ARHGAP39: variants seen among roughly 807,000 people sequenced by gnomAD.
The protein encoded by ARHGAP39 is Rho GTPase activating protein 39, also known as rho GTPase-activating protein 39.
Under a neutral mutation model 106.9 loss-of-function variants are expected in ARHGAP39, and 44 were observed. The observed-to-expected ratio is 0.41, with a 90% CI of 0.32 to 0.53. The LOEUF is 0.53. Ranked by LOEUF, ARHGAP39 falls within the 20% of genes least tolerant of loss-of-function variation. ARHGAP39 has a pLI of 0.21. For synonymous variants in ARHGAP39, 768 were observed against 693.2 expected, an observed-to-expected ratio of 1.11 and a Z score of -1.69; for missense variants, 1,496 against 1,577.3, an observed-to-expected ratio of 0.95 and a Z score of 0.87.
At chr8:144,627,325 G>C (rs904612405) in intron 1 of ARHGAP39, among the ~76,000 whole-genome samples, 1 of 152,176 alleles carries the variant, frequency 6.6e-6, no homozygotes, top group South Asian at 2.1e-4. Context: ...GGAGGCCGAG[G>C]CAGGTGGATC....
At chr8:144,587,022 G>T (rs181188408) in intron 2 of ARHGAP39, among the ~76,000 whole-genome samples, 1 of 152,302 alleles carries the variant, frequency 6.6e-6, no homozygotes, top group African/African-American at 2.4e-5. Context: ...GTTCTCATGA[G>T]ATCTGATGGT....
chr8:144,557,704 T>C (rs1253561113), intron 3 of ARHGAP39, among the ~76,000 whole-genome samples: 1 of 152,160 alleles, frequency 6.6e-6, no homozygotes. Flanking sequence ...AGGCAAAGGC[T>C]GAACCTTCAT....
At position 144,605,688 on chromosome 8, in the gene ARHGAP39, G is replaced by A. The variant is rs571922428; in HGVS notation, c.-74C>T. The A allele has an allele frequency of 6.4e-5, 93 of 1,455,490 alleles. No individual in the cohort carries two copies. The East Asian group carries it at 1.8e-3, about 28-fold the overall frequency. 90.2% of individuals were successfully genotyped at this position (1,455,490 alleles called of 1,614,324 possible). Reference sequence around the variant, plus strand: ...CACAACGCCAGCATCAGACGGGAAGGTGCCGCACTGCAAGAGGGGAGAAGC... The same window carrying A: ...CACAACGCCAGCATCAGACGGGAAGATGCCGCACTGCAAGAGGGGAGAAGC... On this transcript the variant is annotated 5_prime_UTR_variant, in exon 2 of 12. Coordinates refer to ENST00000377307, the MANE Select transcript of ARHGAP39 (RefSeq NM_025251.3).
In ARHGAP39 at chr8:144,627,510, G is replaced by A. The variant is rs542676592; in HGVS notation, c.-81-21815C>T. 1.2e-4 allele frequency among the ~76,000 whole-genome samples: 17 copies of A among 136,354 alleles called. No homozygotes were observed. In the South Asian group the frequency reaches 2.5e-3, roughly 20 times the overall value. 89.5% of individuals were successfully genotyped at this position (136,354 alleles called of 152,430 possible). ...GCGGAGCTTGCAGTGAGCTGAGATC[G>A]CACCACTGCACTCCAGCCTGGGAGA... is the stretch of plus-strand genomic sequence containing the variant. On this transcript the variant is annotated intron_variant, in intron 1 of 11. Transcript: ENST00000377307.
intron 2 of ARHGAP39, among the ~76,000 whole-genome samples, chr8:144,598,946 G>A (rs550716552): frequency 2.0e-5 from 3 of 152,318 alleles, no homozygotes; most frequent in African/African-American, 7.2e-5. Context: ...AAGAGCAAAA[G>A]ATAAGAGCAT....
At chr8:144,637,438 G>A (rs1425798705) in intron 1 of ARHGAP39, among the ~76,000 whole-genome samples, 1 of 151,922 alleles carries the variant, frequency 6.6e-6, no homozygotes, top group Non-Finnish European at 1.5e-5. Context: ...GGTGAAACCC[G>A]GTCTCTACTA....
At position 144,641,537 on chromosome 8, in the gene ARHGAP39, A is replaced by G. The variant is rs1044274999; in HGVS notation, c.-81-35842T>C. On this transcript the variant is annotated intron_variant, in intron 1 of 11. Coordinates refer to ENST00000377307, the MANE Select transcript of ARHGAP39 (RefSeq NM_025251.3). The surrounding 1 kb of genome is among the most constrained non-coding windows in gnomAD (Gnocchi z 5.2). ...AGCACCACCTGACCTGTCTCCTGGCATCCCCTCAGCTCTCCTGCGTTCTGC... is the reference window on the plus strand; with the variant it reads ...AGCACCACCTGACCTGTCTCCTGGCGTCCCCTCAGCTCTCCTGCGTTCTGC... Among the ~76,000 whole-genome samples the G allele has an allele frequency of 5.9e-5, 9 of 152,084 alleles. No individual in the cohort carries two copies. The highest frequency in any genetic ancestry group is 1.3e-4 in the Non-Finnish European group (9 of 68,024).
Position 144,547,259 on chromosome 8 carries a change from C to A in ARHGAP39, c.1827G>T (p.Leu609=), listed in dbSNP as rs567132107. 6.2e-7 allele frequency: 1 copy of A among 1,612,522 alleles called. No homozygotes were observed. Among genetic ancestry groups the A allele is most frequent in the African/African-American group, 1.3e-5 (1 of 75,028 alleles). The change falls in exon 5 of 12, where the codon CTG becomes CTT. Residue 609 remains leucine, a synonymous_variant. Coordinates refer to ENST00000377307, the MANE Select transcript of ARHGAP39 (RefSeq NM_025251.3). The surrounding 1 kb of genome is among the most constrained non-coding windows in gnomAD (Gnocchi z 5.2). ...TCCAGTGCCTGTTCTCCTGCTGGGC[C>A]AGCGCCTCGTCCTCGCTGAAGGCCC... ...VVRAFSEDEA[L]AQQENRHWRR... is the part of the protein sequence containing the mutation.
intron 1 of ARHGAP39, among the ~76,000 whole-genome samples, chr8:144,608,046 ACGCAGGAG>A (rs1291434515): frequency 6.6e-6 from 1 of 151,520 alleles, no homozygotes; most frequent in Non-Finnish European, 1.5e-5. Flanking sequence ...AATCCCAGCT[ACGCAGGAG>A]GCTGAGGCAG....
At chr8:144,650,464 T>A (rs112216010) in intron 1 of ARHGAP39, among the ~76,000 whole-genome samples, 1 of 152,090 alleles carries the variant, frequency 6.6e-6, no homozygotes, top group Non-Finnish European at 1.5e-5. Context: ...ATATATATAT[T>A]CAGGCCAACA....
intron 1 of ARHGAP39, among the ~76,000 whole-genome samples, chr8:144,665,857 T>C (rs1039910802): frequency 1.3e-5 from 2 of 152,190 alleles, no homozygotes; most frequent in African/African-American, 4.8e-5. Flanking sequence ...GAGTCCCTAC[T>C]GGGGCATGGC....
chr8:144,530,640 G>A (rs1163441647), intron 11 of ARHGAP39, 24 bp from the exon 12 acceptor site: 3 of 1,542,000 alleles, frequency 1.9e-6, no homozygotes, highest in African/African-American at 1.4e-5. Context: ...GAGGGTGGGC[G>A]CGGAGGGGCG....
intron 3 of ARHGAP39, among the ~76,000 whole-genome samples, chr8:144,575,735 C>T (rs1343787834): frequency 3.3e-5 from 5 of 152,234 alleles, no homozygotes; most frequent in East Asian, 1.9e-4. Context: ...CACAAACCAG[C>T]GACATAGTCA....
Position 144,545,770 on chromosome 8 carries a change from C to T in ARHGAP39, c.2000G>A (p.Arg667Gln), listed in dbSNP as rs11994207. ...LAACAQFESS[R>Q]QSRSGVPSSS... Reference sequence around the variant, plus strand: ...GCTGGGAACGCCGCTGCGGCTCTGCCGGCTGCTCTCGAACTGGGCACAGGC... The same window carrying T: ...GCTGGGAACGCCGCTGCGGCTCTGCTGGCTGCTCTCGAACTGGGCACAGGC... The change falls in exon 6 of 12, where the codon CGG becomes CAG. Residue 667 changes from arginine (R) to glutamine (Q), a missense_variant. Coordinates refer to ENST00000377307, the MANE Select transcript of ARHGAP39 (RefSeq NM_025251.3). 4,375 of 1,576,044 alleles carry T rather than the reference C, an allele frequency of 2.8e-3. 8 individuals are homozygous for T. The highest frequency in any genetic ancestry group is 6.4e-3 in the African/African-American group (470 of 73,844).
chr8:144,596,765 A>G (rs934722837), intron 2 of ARHGAP39, among the ~76,000 whole-genome samples: 1 of 152,218 alleles, frequency 6.6e-6, no homozygotes, highest in South Asian at 2.1e-4. Context: ...ACACAGACAG[A>G]GGACCCACTG....
Position 144,533,171 on chromosome 8 carries a change from T to C in ARHGAP39, c.2843A>G (p.Glu948Gly), listed in dbSNP as rs1816799170. The C allele has an allele frequency of 6.2e-7, 1 of 1,610,826 alleles. No individual in the cohort carries two copies. Among genetic ancestry groups the C allele is most frequent in the African/African-American group, 1.3e-5 (1 of 74,936 alleles). Residue 948 changes from glutamate (E) to glycine (G), a missense_variant, in exon 9 of 12, where the codon GAG becomes GGG. By Grantham distance (98) the Glu-to-Gly change is moderately conservative. Coordinates refer to ENST00000377307, the MANE Select transcript of ARHGAP39 (RefSeq NM_025251.3). ...QLPWVQTRLS[E>G]EVLALNGDQT... ...GTCACCGTTGAGCGCCAGCACCTCC[T>C]CAGAGAGCCGTGTCTGCACCCAGGG...
At chr8:144,634,054 G>A (rs1821129263) in intron 1 of ARHGAP39, among the ~76,000 whole-genome samples, 1 of 152,294 alleles carries the variant, frequency 6.6e-6, no homozygotes, top group South Asian at 2.1e-4. Context: ...CTGTGCCCAT[G>A]AAGGCAATCT....
chr8:144,698,122 T>C, the ARHGAP39 span, among the ~76,000 whole-genome samples: 1 of 152,216 alleles, frequency 6.6e-6, no homozygotes, highest in Non-Finnish European at 1.5e-5. Flanking sequence ...GGATCCCTCA[T>C]GAATGCGTGG....
intron 4 of ARHGAP39, among the ~76,000 whole-genome samples, chr8:144,549,617 C>T (rs963206267): frequency 2.0e-5 from 3 of 152,086 alleles, no homozygotes; most frequent in African/African-American, 4.8e-5. Context: ...CTCAGCCTCC[C>T]GAGTAGCTGG....
Sources: gnomAD v4.1 joint callset for allele counts (sites outside exome capture counted in the v4.1 genomes callset) on GRCh38, gnomAD v4.1.1 for gene constraint, Gnocchi (gnomAD v3.1) non-coding constraint, MANE v1.5 for transcripts, NCBI Gene and HGNC (gene_info 2026-07-23, HGNC 2026-07-21) for gene names.